PCDH15: variants seen among roughly 807,000 people sequenced by gnomAD.
PCDH15 encodes protocadherin related 15.
A neutral mutation model predicts 178.5 loss-of-function variants in PCDH15; 129 were observed. That is an observed-to-expected ratio of 0.72 (90% confidence interval 0.63 to 0.84). The LOEUF (loss-of-function observed/expected upper bound fraction) is 0.84. Ranked by LOEUF, PCDH15 falls within the 40% of genes least tolerant of loss-of-function variation. The pLI is 0.00. For missense variants in PCDH15, 2,230 were observed against 2,099.9 expected (o/e 1.06, Z -1.21); for synonymous variants, 800 against 732.0 (o/e 1.09, Z -1.50).
At chr10:54,233,058 C>T (rs1172809507) in intron 9 of PCDH15, among the ~76,000 whole-genome samples, 1 of 151,732 alleles carries the variant, frequency 6.6e-6, no homozygotes, top group East Asian at 1.9e-4. Flanking sequence ...ATTCTCCCAC[C>T]TTAGCCTCCT....
At chr10:55,429,668 C>T (rs761113224) in intron 2 of PCDH15, among the ~76,000 whole-genome samples, 1 of 152,292 alleles carries the variant, frequency 6.6e-6, no homozygotes, top group Non-Finnish European at 1.5e-5. Context: ...AACAAACATT[C>T]TCTGCCTCCT....
At chr10:55,623,595 A>C (rs1007301610) in intron 2 of PCDH15, among the ~76,000 whole-genome samples, 4 of 151,948 alleles carry the variant, frequency 2.6e-5, no homozygotes, top group African/African-American at 9.7e-5. Flanking sequence ...TTAATGAAAA[A>C]TATATATTTC....
At chr10:55,025,004 TA>T (rs1285615764) in intron 2 of PCDH15, among the ~76,000 whole-genome samples, 4 of 152,204 alleles carry the variant, frequency 2.6e-5, no homozygotes, top group Non-Finnish European at 2.9e-5. Flanking sequence ...ATGACTCTTC[TA>T]CTTAAGGTTT....
At position 54,240,725 on chromosome 10, in the gene PCDH15, G is replaced by A. The variant is rs532488913; in HGVS notation, c.877-3794C>T. Among the ~76,000 whole-genome samples, 226 of 130,850 alleles carry A rather than the reference G, an allele frequency of 1.7e-3. 1 individual carries two copies. The highest frequency in any genetic ancestry group is 6.0e-3 in the African/African-American group (206 of 34,210). The allele number at this position is 130,850 out of a possible 152,430, so 85.8% of individuals were successfully genotyped here. A position where few individuals can be genotyped will look rare whatever the true frequency, so the allele number is the denominator to read the frequency against. On this transcript the variant is annotated intron_variant, in intron 8 of 37. Coordinates refer to ENST00000644397, the MANE Select transcript of PCDH15 (RefSeq NM_001384140.1). ...CGGCTCACTGCAAGCTCCGCCTCCC[G>A]GGTTCACGCCATTCTCCTGCCTCAG...
intron 1 of PCDH15, among the ~76,000 whole-genome samples, chr10:54,743,088 C>T (rs1945019496): frequency 6.6e-6 from 1 of 151,788 alleles, no homozygotes; most frequent in Admixed American, 6.6e-5. Flanking sequence ...GAGTAACCAG[C>T]AGAAAAGTAG....
At chr10:54,323,909 G>A (rs532358262) in intron 7 of PCDH15, among the ~76,000 whole-genome samples, 5 of 152,226 alleles carry the variant, frequency 3.3e-5, no homozygotes, top group African/African-American at 9.6e-5. Flanking sequence ...TTTTTTGTTT[G>A]AGATATTTGC....
chr10:54,484,138 G>A (rs1204186850), intron 3 of PCDH15, among the ~76,000 whole-genome samples: 1 of 151,882 alleles, frequency 6.6e-6, no homozygotes, highest in East Asian at 1.9e-4. Context: ...AACGAGTGAT[G>A]CCAGCCCACT....
At chr10:55,010,422 GA>G (rs1371079427) in intron 2 of PCDH15, among the ~76,000 whole-genome samples, 3 of 152,026 alleles carry the variant, frequency 2.0e-5, no homozygotes, top group Non-Finnish European at 4.4e-5. Context: ...ATAAATTAAC[GA>G]GATAAATTCA....
At chr10:54,465,441 A>T (rs2077453092) in intron 3 of PCDH15, among the ~76,000 whole-genome samples, 1 of 151,976 alleles carries the variant, frequency 6.6e-6, no homozygotes, top group Non-Finnish European at 1.5e-5. Flanking sequence ...ATACTAGTCT[A>T]TACCTTCATG....
At chr10:54,760,106 C>T (rs1288035768) in intron 1 of PCDH15, among the ~76,000 whole-genome samples, 1 of 152,142 alleles carries the variant, frequency 6.6e-6, no homozygotes, top group African/African-American at 2.4e-5. Flanking sequence ...TTTTTCTATA[C>T]AGACTTTCAG....
At chr10:55,330,532 A>T (rs985812623) in intron 2 of PCDH15, among the ~76,000 whole-genome samples, 5 of 151,922 alleles carry the variant, frequency 3.3e-5, no homozygotes, top group African/African-American at 1.2e-4. Context: ...CCACTGAAAA[A>T]ATATTCAGGG....
Position 53,999,521 on chromosome 10 carries a change from G to T in PCDH15, c.2752-3756C>A, listed in dbSNP as rs533294059. On this transcript the variant is annotated intron_variant, in intron 20 of 37. Coordinates refer to ENST00000644397, the MANE Select transcript of PCDH15 (RefSeq NM_001384140.1). Reference sequence around the variant, plus strand: ...AAAGAAAATATTTGATATTTTTACTGCCAGGCTAGGCATATTCACCACAAG... The same window carrying T: ...AAAGAAAATATTTGATATTTTTACTTCCAGGCTAGGCATATTCACCACAAG... 3.3e-5 allele frequency among the ~76,000 whole-genome samples: 5 copies of T among 152,152 alleles called. No homozygotes were observed. In the East Asian group the frequency reaches 5.8e-4, roughly 18 times the overall value.
intron 1 of PCDH15, among the ~76,000 whole-genome samples, chr10:55,230,143 A>G (rs1841170312): frequency 6.6e-6 from 1 of 152,074 alleles, no homozygotes; most frequent in South Asian, 2.1e-4. Flanking sequence ...GTGTATGAGA[A>G]CATTACCTTT....
intron 3 of PCDH15, among the ~76,000 whole-genome samples, chr10:54,863,279 A>G (rs991982871): frequency 6.6e-5 from 10 of 152,200 alleles, no homozygotes; most frequent in African/African-American, 2.4e-4. Context: ...ACGGTGGCTC[A>G]CGCCTGTAAT....
chr10:55,515,431 T>C (rs2132156890), intron 2 of PCDH15, among the ~76,000 whole-genome samples: 1 of 152,272 alleles, frequency 6.6e-6, no homozygotes, highest in East Asian at 1.9e-4. Flanking sequence ...AAAGATTGAA[T>C]GCAGAAGCAG....
chr10:54,119,604 T>C (rs1310118174), intron 15 of PCDH15, among the ~76,000 whole-genome samples: 1 of 152,140 alleles, frequency 6.6e-6, no homozygotes, highest in Admixed American at 6.5e-5. Flanking sequence ...ATTTCCCTGA[T>C]CTTGCCAGAA....
At chr10:54,540,634 G>A (rs963023401) in intron 2 of PCDH15, among the ~76,000 whole-genome samples, 2 of 152,076 alleles carry the variant, frequency 1.3e-5, no homozygotes, top group African/African-American at 4.8e-5. Flanking sequence ...TCAAGGAGGA[G>A]AGACTCCTCC....
At chr10:55,219,972 C>A (rs1251755205) in intron 1 of PCDH15, among the ~76,000 whole-genome samples, 1 of 151,680 alleles carries the variant, frequency 6.6e-6, no homozygotes, top group Non-Finnish European at 1.5e-5. Context: ...TCTCCAATAT[C>A]TTTAAGGGAC....
At chr10:53,995,856 A>G in intron 20 of PCDH15, 91 bp from the exon 21 acceptor site, 1 of 1,140,702 alleles carries the variant, frequency 8.8e-7, no homozygotes, top group Non-Finnish European at 1.3e-6. Flanking sequence ...ATATCACACA[A>G]CTTATTTACC....
Sources: allele counts gnomAD v4.1 joint callset (sites outside exome capture counted in the v4.1 genomes callset), GRCh38; gene constraint gnomAD v4.1.1; transcripts MANE v1.5; gene names NCBI Gene and HGNC (gene_info 2026-07-23, HGNC 2026-07-21).